The following PRMT8 variants were observed in gnomAD, a reference collection of about 807,000 sequenced individuals.
The protein encoded by PRMT8 is protein arginine N-methyltransferase 8.
In PRMT8, 7 loss-of-function variants were observed where a neutral mutation model predicts 47.1. The observed-to-expected ratio is 0.15, with a 90% CI of 0.08 to 0.28. The LOEUF (loss-of-function observed/expected upper bound fraction) is 0.28. Ranked by LOEUF, PRMT8 falls within the 10% of genes least tolerant of loss-of-function variation. The pLI is 1.00. For synonymous variants in PRMT8, 188 were observed against 186.5 expected, an observed-to-expected ratio of 1.01 and a Z score of -0.07; for missense variants, 237 against 505.4, an observed-to-expected ratio of 0.47 and a Z score of 5.09.
intron 1 of PRMT8, among the ~76,000 whole-genome samples, chr12:3,402,695 T>C (rs1384155656): frequency 4.6e-5 from 7 of 152,184 alleles, no homozygotes; most frequent in Non-Finnish European, 1.0e-4. Flanking sequence ...GACATACATT[T>C]GGCCAACAAA....
intron 1 of PRMT8, among the ~76,000 whole-genome samples, chr12:3,420,533 G>C (rs1864530487): frequency 6.6e-6 from 1 of 152,174 alleles, no homozygotes; most frequent in South Asian, 2.1e-4. Context: ...CCAGCAGTGA[G>C]AGAGTTAGGT....
Position 3,587,787 on chromosome 12 carries a change from C to T in PRMT8, c.980-4444C>T, listed in dbSNP as rs529596130. Among the ~76,000 whole-genome samples the T allele has an allele frequency of 1.7e-3, 261 of 152,358 alleles. 2 individuals carry two copies. Among genetic ancestry groups the T allele is most frequent in the Middle Eastern group, 0.014 (4 of 294 alleles). On this transcript the variant is annotated intron_variant, in intron 8 of 9. Transcript: ENST00000382622. ...AACCCCCAACTGAGTCTTCTGTTCT[C>T]AGCCCAGTGGTAGCGCGCTCTGCGG...
chr12:3,404,488 A>G (rs574273227), intron 1 of PRMT8, among the ~76,000 whole-genome samples: 2 of 152,348 alleles, frequency 1.3e-5, no homozygotes, highest in African/African-American at 4.8e-5. Flanking sequence ...GAAATAGAAC[A>G]TTAGAGAATA....
At chr12:3,391,450 C>T (rs920476012) in intron 1 of PRMT8, among the ~76,000 whole-genome samples, 1 of 152,152 alleles carries the variant, frequency 6.6e-6, no homozygotes, top group Admixed American at 6.5e-5. Flanking sequence ...CACAAATGCC[C>T]TGGGGCAAAA....
intron 1 of PRMT8, chr12:3,462,637 T>G (rs1327245053): frequency 6.6e-6 from 1 of 152,016 alleles, no homozygotes; most frequent in African/African-American, 2.4e-5. Flanking sequence ...TGAAAGCTCT[T>G]TACTTTTTGC....
chr12:3,382,509 T>G (rs961257327), intron 1 of PRMT8, among the ~76,000 whole-genome samples: 1 of 152,228 alleles, frequency 6.6e-6, no homozygotes, highest in East Asian at 1.9e-4. Flanking sequence ...CCTTCTTATT[T>G]GCCATCTGTA....
chr12:3,553,305 C>T (rs1056752832), intron 3 of PRMT8: 36 of 340,744 alleles, frequency 1.1e-4, no homozygotes, highest in African/African-American at 6.9e-4. Flanking sequence ...TGCCTTCCCG[C>T]GTCCCCCACG....
rs182061092 is a variant in PRMT8 at position 3,592,748 on chromosome 12, C to G, written c.1102-351C>G. Among the ~76,000 whole-genome samples the G allele has an allele frequency of 6.2e-3, 943 of 152,286 alleles. 13 individuals are homozygous for G. The highest frequency in any genetic ancestry group is 0.021 in the African/African-American group (880 of 41,550). On this transcript the variant is annotated intron_variant, in intron 9 of 9. Transcript: ENST00000382622. ...TGCGAGGGAGACTTGCTGGCACTTT[C>G]GGGGCAGCCCCAGGTGTGGGCATGA...
chr12:3,590,737 G>T (rs966604074), intron 8 of PRMT8, among the ~76,000 whole-genome samples: 27 of 152,014 alleles, frequency 1.8e-4, no homozygotes, highest in Admixed American at 5.2e-4. Flanking sequence ...GATTCCAAAG[G>T]CCCCCAGGGT....
Position 3,552,982 on chromosome 12 carries a change from C to G in PRMT8, c.418-669C>G. 1 of 321,896 alleles carries G rather than the reference C, an allele frequency of 3.1e-6. No individual in the cohort carries two copies. The allele number at this position is 321,896 out of a possible 1,614,324, so 19.9% of individuals were successfully genotyped here. A position where few individuals can be genotyped will look rare whatever the true frequency, so the allele number is the denominator to read the frequency against. On this transcript the variant is annotated intron_variant, in intron 3 of 9. Coordinates refer to ENST00000382622, the MANE Select transcript of PRMT8 (RefSeq NM_019854.5). The surrounding 1 kb of genome is among the most constrained non-coding windows in gnomAD (Gnocchi z 4.5). ...CTAACCCTGGGCTGGAGCTTGGCTT[C>G]CAACCATTCCCATGAGGGCCTGCTC...
chr12:3,443,844 C>T (rs1864829601), intron 1 of PRMT8, among the ~76,000 whole-genome samples: 1 of 152,214 alleles, frequency 6.6e-6, no homozygotes, highest in African/African-American at 2.4e-5. Flanking sequence ...TATGGTTCAG[C>T]CACGATTGCT....
chr12:3,465,201 T>C (rs1189813990), intron 1 of PRMT8, among the ~76,000 whole-genome samples: 2 of 144,698 alleles, frequency 1.4e-5, no homozygotes, highest in African/African-American at 2.5e-5. Flanking sequence ...AATATAAATA[T>C]ATTTTTATAT....
chr12:3,496,151 C>T (rs1374813569), intron 1 of PRMT8, among the ~76,000 whole-genome samples: 1 of 137,448 alleles, frequency 7.3e-6, no homozygotes, highest in Non-Finnish European at 1.5e-5. Context: ...CAAAGGAGAG[C>T]CCCCAGGAGT....
intron 1 of PRMT8, among the ~76,000 whole-genome samples, chr12:3,534,126 C>T (rs948797090): frequency 1.3e-5 from 2 of 152,258 alleles, no homozygotes; most frequent in African/African-American, 4.8e-5. Flanking sequence ...TACTCTGTCC[C>T]CTCCCACTGC....
At chr12:3,579,677 T>A (rs145875528) in intron 7 of PRMT8, among the ~76,000 whole-genome samples, 1 of 152,340 alleles carries the variant, frequency 6.6e-6, no homozygotes, top group East Asian at 1.9e-4. Flanking sequence ...TTGCCGAGCC[T>A]GTTGGGAAAA....
chr12:3,491,237 G>C lies in PRMT8; in HGVS notation c.-389G>C. 1 of 1,014,994 alleles carries C rather than the reference G, an allele frequency of 9.9e-7. No individual in the cohort carries two copies. The highest frequency in any genetic ancestry group is 1.2e-6 in the Non-Finnish European group (1 of 849,224). 62.9% of individuals were successfully genotyped at this position (1,014,994 alleles called of 1,614,324 possible). A position where few individuals can be genotyped will look rare whatever the true frequency, so the allele number is the denominator to read the frequency against. Reference sequence around the variant, plus strand: ...AGCGGATCGGCAGAAGTTGAGAGGAGTTGGCGGCTGCCTCCGGCCGGCCGG... The same window carrying C: ...AGCGGATCGGCAGAAGTTGAGAGGACTTGGCGGCTGCCTCCGGCCGGCCGG... On this transcript the variant is annotated 5_prime_UTR_variant, in exon 1 of 10. Transcript: ENST00000382622.
chr12:3,455,532 A>G (rs1864965131), intron 1 of PRMT8, among the ~76,000 whole-genome samples: 1 of 151,944 alleles, frequency 6.6e-6, no homozygotes. Context: ...AAGAAATGCC[A>G]CTCACTGCCC....
rs775346833 is a variant in PRMT8 at position 3,540,636 on chromosome 12, C to A, written c.106C>A (p.Pro36Thr). ...VNSPPSQPPQ[P>T]VVPAKPVQCV... is the part of the protein sequence containing the mutation. ...CAGCCCCCCCTCCCAGCCCCCCCAG[C>A]CCGTCGTCCCTGCTAAGCCCGTGCA... Residue 36 changes from proline to threonine, a missense_variant, in exon 2 of 10, where the codon CCC (proline) becomes ACC (threonine). This residue lies in a region of PRMT8 where 43 missense variants were observed against 32.4 expected (regional missense o/e 1.33). Coordinates refer to ENST00000382622, the MANE Select transcript of PRMT8 (RefSeq NM_019854.5). The A allele has an allele frequency of 4.4e-6, 7 of 1,596,966 alleles. No individual in the cohort carries two copies. The South Asian group carries it at 5.5e-5, about 13-fold the overall frequency.
rs929239455 is a variant in PRMT8, at chr12:3,550,567, A to G, written c.417+476A>G. On this transcript the variant is annotated intron_variant, in intron 3 of 9. Transcript: ENST00000382622. The surrounding 1 kb of genome is among the most constrained non-coding windows in gnomAD (Gnocchi z 5.1). ...TGTGAGGATTAAATGAGTATAATAC[A>G]TATGTAAAGTGCTTAAAACAGTGCC... 1.3e-5 allele frequency: 2 copies of G among 157,264 alleles called. No individual in the cohort carries two copies. Among genetic ancestry groups the G allele is most frequent in the Admixed American group, 1.2e-4 (2 of 16,318 alleles). The allele number at this position is 157,264 out of a possible 1,614,324, so 9.7% of individuals were successfully genotyped here.
Sources: gnomAD v4.1 joint callset for allele counts (sites outside exome capture counted in the v4.1 genomes callset) on GRCh38, gnomAD v4.1.1 for gene constraint, gnomAD v4.1.1 regional missense constraint, Gnocchi (gnomAD v3.1) non-coding constraint, MANE v1.5 for transcripts, NCBI Gene and HGNC (gene_info 2026-07-23, HGNC 2026-07-21) for gene names.